Variants in PITPNM2 observed in about 807,000 individuals in gnomAD.
PITPNM2 encodes membrane-associated phosphatidylinositol transfer protein 2.
A neutral mutation model predicts 132.2 loss-of-function variants in PITPNM2; 35 were observed. The ratio of observed to expected loss-of-function variants is 0.26; its 90% CI spans 0.20 to 0.35. The LOEUF is 0.35. Ranked by LOEUF, PITPNM2 falls within the 10% of genes least tolerant of loss-of-function variation. PITPNM2 has a pLI of 1.00. For missense variants in PITPNM2, 1,332 were observed against 1,912.0 expected (o/e 0.70, Z 5.66); for synonymous variants, 738 against 799.2 (o/e 0.92, Z 1.29).
rs1439106299 is a variant in PITPNM2, at chr12:122,995,072, G to A, written c.2055-93C>T. On this transcript the variant is annotated intron_variant, in intron 14 of 25. Transcript: ENST00000320201. ...GTGGCAGCAGGTCCCAACCTCTCTC[G>A]GGGGCCCACTGGCTTCAGGACAGCC... 1.0e-5 allele frequency: 14 copies of A among 1,357,314 alleles called. No homozygotes were observed. The Admixed American group carries it at 1.8e-4, about 17-fold the overall frequency. The allele number at this position is 1,357,314 out of a possible 1,614,324, so 84.1% of individuals were successfully genotyped here.
rs568172420 is a variant in PITPNM2 at position 123,059,907 on chromosome 12, A to C, written c.-95-25222T>G. Among the ~76,000 whole-genome samples, 6 of 152,158 alleles carry C rather than the reference A, an allele frequency of 3.9e-5. No homozygotes were observed. The South Asian group carries it at 1.0e-3, about 26-fold the overall frequency. On this transcript the variant is annotated intron_variant, in intron 2 of 25. Coordinates refer to ENST00000320201, the MANE Select transcript of PITPNM2 (RefSeq NM_020845.3). ...AACTAGATAAAGGTGGTGGCTGCAC[A>C]ATCTTGTATGCATACTATATGCCAC...
At chr12:123,127,901 G>A (rs948506338) in intron 1 of PITPNM2, among the ~76,000 whole-genome samples, 4 of 151,876 alleles carry the variant, frequency 2.6e-5, no homozygotes, top group Admixed American at 2.6e-4. Flanking sequence ...GAGCCACCGC[G>A]CCCAGCCTGC....
chr12:123,094,673 A>G (rs1566290324), intron 2 of PITPNM2, among the ~76,000 whole-genome samples: 1 of 152,162 alleles, frequency 6.6e-6, no homozygotes, highest in Non-Finnish European at 1.5e-5. Context: ...AGATGCATCA[A>G]AGGCCCAGAC....
At chr12:123,122,464 A>G (rs2137451608) in intron 1 of PITPNM2, among the ~76,000 whole-genome samples, 1 of 152,280 alleles carries the variant, frequency 6.6e-6, no homozygotes, top group Middle Eastern at 3.4e-3. Flanking sequence ...TCCGTCTCCA[A>G]AAAAAAGAAG....
intron 1 of PITPNM2, among the ~76,000 whole-genome samples, chr12:123,127,245 T>TTACA (rs1204589225): frequency 6.6e-6 from 1 of 152,178 alleles, no homozygotes; most frequent in African/African-American, 2.4e-5. Flanking sequence ...ATCACGCCAC[T>TTACA]TACACCGCTG....
At chr12:123,126,798 T>A (rs2043148595) in intron 1 of PITPNM2, among the ~76,000 whole-genome samples, 1 of 152,136 alleles carries the variant, frequency 6.6e-6, no homozygotes, top group Admixed American at 6.5e-5. Context: ...GGGTTCTCTG[T>A]TGATTGAAAG....
chr12:123,059,923 T>C (rs988036275), intron 2 of PITPNM2, among the ~76,000 whole-genome samples: 2 of 152,142 alleles, frequency 1.3e-5, no homozygotes, highest in African/African-American at 4.8e-5. Context: ...GTATGCATAC[T>C]ATATGCCACC....
rs1410187786 is a variant in PITPNM2 at position 123,058,803 on chromosome 12, G to A, written c.-95-24118C>T. Among the ~76,000 whole-genome samples, 1 of 152,112 alleles carries A rather than the reference G, an allele frequency of 6.6e-6. No homozygotes were observed. The highest frequency in any genetic ancestry group is 2.4e-5 in the African/African-American group (1 of 41,422). ...TGTGGAAAAAGCCCTTTCCCACGGG[G>A]TCCACCTGGAAAATTCTCGAAGTGT... On this transcript the variant is annotated intron_variant, in intron 2 of 25. Transcript: ENST00000320201. This position sits in a 1 kb window ranked among gnomAD's most constrained non-coding sequence, Gnocchi z 4.0.
chr12:123,100,002 C>G (rs1199571268), intron 2 of PITPNM2, among the ~76,000 whole-genome samples: 1 of 152,182 alleles, frequency 6.6e-6, no homozygotes, highest in Non-Finnish European at 1.5e-5. Context: ...GACACGCGCA[C>G]AGCCTACTCC....
chr12:123,085,808 C>T (rs1054290522), intron 2 of PITPNM2, among the ~76,000 whole-genome samples: 10 of 152,212 alleles, frequency 6.6e-5, no homozygotes, highest in African/African-American at 2.4e-4. Context: ...CAGACAGACT[C>T]AATGCTTAAA....
chr12:123,048,515 T>C (rs532083272), intron 2 of PITPNM2, among the ~76,000 whole-genome samples: 1 of 152,024 alleles, frequency 6.6e-6, no homozygotes, highest in East Asian at 1.9e-4. Context: ...CCGGTTCACG[T>C]CATTCTCCTG....
chr12:123,145,688 G>A (rs1016088940), intron 1 of PITPNM2, among the ~76,000 whole-genome samples: 55 of 152,254 alleles, frequency 3.6e-4, no homozygotes, highest in African/African-American at 1.3e-3. Flanking sequence ...TCTCCTTTGT[G>A]TCCTCTAGCA....
intron 2 of PITPNM2, among the ~76,000 whole-genome samples, chr12:123,059,880 A>G (rs980601639): frequency 3.3e-5 from 5 of 152,160 alleles, no homozygotes; most frequent in African/African-American, 1.2e-4. Flanking sequence ...GAAATGTTTT[A>G]GAACTAGATA....
intron 2 of PITPNM2, among the ~76,000 whole-genome samples, chr12:123,096,059 A>G (rs540250605): frequency 2.0e-5 from 3 of 152,356 alleles, no homozygotes; most frequent in Non-Finnish European, 1.5e-5. Context: ...TGAATGATGG[A>G]TCCATACACA....
intron 2 of PITPNM2, among the ~76,000 whole-genome samples, chr12:123,069,834 G>C (rs1332908665): frequency 6.6e-6 from 1 of 152,286 alleles, no homozygotes; most frequent in South Asian, 2.1e-4. Flanking sequence ...CTCTGTCCCA[G>C]AACAGTTGTC....
intron 20 of PITPNM2, 97 bp from the exon 21 acceptor site, chr12:122,987,998 G>T: frequency 8.8e-7 from 1 of 1,133,820 alleles, no homozygotes; most frequent in Non-Finnish European, 1.3e-6. Context: ...GCAGGCTTGA[G>T]CTGTGAGCTG....
rs1158246422 is a variant in PITPNM2 at position 123,009,177 on chromosome 12, C to A, written c.643+673G>T. ...CATCACAAGGTGTCTGGCTGGGGTGCCTTTTGGGTCATGGGCCTCAGGGAC... is the reference window on the plus strand; with the variant it reads ...CATCACAAGGTGTCTGGCTGGGGTGACTTTTGGGTCATGGGCCTCAGGGAC... On this transcript the variant is annotated intron_variant, in intron 6 of 25. Transcript: ENST00000320201. The surrounding 1 kb of genome is among the most constrained non-coding windows in gnomAD (Gnocchi z 4.8). Among the ~76,000 whole-genome samples the A allele has an allele frequency of 6.6e-6, 1 of 152,134 alleles. No individual in the cohort carries two copies. Among genetic ancestry groups the A allele is most frequent in the African/African-American group, 2.4e-5 (1 of 41,402 alleles).
In PITPNM2 at chr12:123,072,952, T is replaced by G. The variant is rs559263789; in HGVS notation, c.-96+37433A>C. 2.6e-5 allele frequency among the ~76,000 whole-genome samples: 4 copies of G among 152,336 alleles called. No individual in the cohort carries two copies. The South Asian group carries it at 8.3e-4, about 32-fold the overall frequency. The stretch of plus-strand genomic sequence containing the variant: ...ACAGGGATCAGGGAAGGAGCCTGAC[T>G]TCCGAGGCCTGGTGTTTAGGGAGAG... On this transcript the variant is annotated intron_variant, in intron 2 of 25. Transcript: ENST00000320201.
chr12:123,107,576 A>G (rs2042748085), intron 2 of PITPNM2, among the ~76,000 whole-genome samples: 1 of 152,156 alleles, frequency 6.6e-6, no homozygotes, highest in Non-Finnish European at 1.5e-5. Context: ...CTTGTGGAGG[A>G]GAGAGGAGAA....
Sources: allele counts gnomAD v4.1 joint callset (sites outside exome capture counted in the v4.1 genomes callset), GRCh38; gene constraint gnomAD v4.1.1; non-coding constraint Gnocchi (gnomAD v3.1); transcripts MANE v1.5; gene names NCBI Gene and HGNC (gene_info 2026-07-23, HGNC 2026-07-21).